Variants in KSR2 observed in about 807,000 individuals in gnomAD.
KSR2 encodes the protein kinase suppressor of ras 2.
KSR2 carries 25 observed loss-of-function variants against 107.8 expected under a neutral mutation model. That is an observed-to-expected ratio of 0.23 (90% CI 0.17 to 0.32). KSR2 has a LOEUF of 0.32. Among genes scored for constraint, KSR2 ranks in the 10% least tolerant of loss-of-function variants. The pLI is 1.00. For synonymous variants in KSR2, 480 were observed against 507.0 expected, an observed-to-expected ratio of 0.95 and a Z score of 0.71; for missense variants, 887 against 1,268.9, an observed-to-expected ratio of 0.70 and a Z score of 4.57.
At chr12:117,501,711 G>A (rs1873386816) in intron 14 of KSR2, among the ~76,000 whole-genome samples, 1 of 152,226 alleles carries the variant, frequency 6.6e-6, no homozygotes, top group African/African-American at 2.4e-5. Flanking sequence ...AGCCAAATAA[G>A]GGAGCTTATC....
intron 4 of KSR2, among the ~76,000 whole-genome samples, chr12:117,732,294 C>CT (rs112890015): frequency 0.02 from 2,887 of 145,512 alleles, 38 homozygotes; most frequent in Non-Finnish European, 0.03. Context: ...GAATTTTTTT[C>CT]TTTTTTTTTT....
chr12:117,734,491 C>T (rs905409666), intron 4 of KSR2, among the ~76,000 whole-genome samples: 2 of 152,080 alleles, frequency 1.3e-5, no homozygotes, highest in South Asian at 2.1e-4. Context: ...AGCTGGGGCC[C>T]GGGGTCCTCC....
chr12:117,660,287 T>C (rs1361321942), intron 5 of KSR2, among the ~76,000 whole-genome samples: 1 of 152,210 alleles, frequency 6.6e-6, no homozygotes, highest in Non-Finnish European at 1.5e-5. Context: ...ATTCTCTCAC[T>C]GTTCTAGAGG....
intron 3 of KSR2, among the ~76,000 whole-genome samples, chr12:117,800,770 GC>G (rs1890805957): frequency 6.6e-6 from 1 of 151,906 alleles, no homozygotes; most frequent in African/African-American, 2.4e-5. Flanking sequence ...CCCTCAACAG[GC>G]CCCGGTGTGT....
chr12:117,849,244 T>C (rs1892830735), intron 3 of KSR2, among the ~76,000 whole-genome samples: 1 of 152,188 alleles, frequency 6.6e-6, no homozygotes, highest in Non-Finnish European at 1.5e-5. Flanking sequence ...ATAGCACTTA[T>C]TCTCACACAC....
chr12:117,718,632 T>C (rs913741266), intron 4 of KSR2, among the ~76,000 whole-genome samples: 2 of 152,182 alleles, frequency 1.3e-5, no homozygotes, highest in Non-Finnish European at 2.9e-5. Flanking sequence ...TTAAATCATA[T>C]GCATTGGAAG....
intron 1 of KSR2, among the ~76,000 whole-genome samples, chr12:117,920,799 G>A (rs953341827): frequency 6.6e-6 from 1 of 152,104 alleles, no homozygotes; most frequent in African/African-American, 2.4e-5. Context: ...GTGGAGGGGA[G>A]GAAGGATTCA....
intron 4 of KSR2, among the ~76,000 whole-genome samples, chr12:117,671,343 G>C (rs1353004562): frequency 1.3e-5 from 2 of 152,192 alleles, no homozygotes; most frequent in Admixed American, 6.5e-5. Flanking sequence ...TAGATAGATA[G>C]ATAGATAGAT....
chr12:117,522,629 A>G (rs536634226), intron 14 of KSR2, among the ~76,000 whole-genome samples: 8 of 152,306 alleles, frequency 5.3e-5, no homozygotes, highest in African/African-American at 1.9e-4. Flanking sequence ...TCAGAAGTAG[A>G]GGCTGTGTCT....
At chr12:117,563,484 G>A (rs1275549193) in intron 7 of KSR2, among the ~76,000 whole-genome samples, 2 of 152,140 alleles carry the variant, frequency 1.3e-5, no homozygotes, top group South Asian at 2.1e-4. Flanking sequence ...CATCTGTAAG[G>A]TGGGGACAAT....
Position 117,555,186 on chromosome 12 carries a change from T to C in KSR2, c.1501A>G (p.Thr501Ala), listed in dbSNP as rs544499828. Residue 501 changes from threonine (T) to alanine (A), a missense_variant, in exon 9 of 20, where the codon ACC becomes GCC. By Grantham distance (58) the Thr-to-Ala change is moderately conservative. Coordinates refer to ENST00000339824, the MANE Select transcript of KSR2 (RefSeq NM_173598.6). ...DLHISQTLPK[T>A]NKINKDHIPV... ...AGCCTTACCTTGTTGATTTTGTTGG[T>C]TTTGGGGAGCGTCTGACTGATGTGC... 5.3e-5 allele frequency: 86 copies of C among 1,613,784 alleles called. No homozygotes were observed. In the South Asian group the frequency reaches 9.2e-4, roughly 17 times the overall value.
At chr12:117,878,921 T>C (rs1337386222) in intron 1 of KSR2, among the ~76,000 whole-genome samples, 5 of 152,020 alleles carry the variant, frequency 3.3e-5, no homozygotes, top group Non-Finnish European at 5.9e-5. Context: ...ACAATCAACA[T>C]AGTGAACAAA....
At chr12:117,582,581 C>G (rs1380296609) in intron 5 of KSR2, among the ~76,000 whole-genome samples, 1 of 152,226 alleles carries the variant, frequency 6.6e-6, no homozygotes, top group Non-Finnish European at 1.5e-5. Context: ...ATGAAGCCAG[C>G]TGTGGAATGA....
At chr12:117,890,153 T>C (rs1308571314) in intron 1 of KSR2, among the ~76,000 whole-genome samples, 3 of 152,230 alleles carry the variant, frequency 2.0e-5, no homozygotes, top group African/African-American at 7.2e-5. Context: ...AACAGCACTG[T>C]ATTGGATCAT....
intron 1 of KSR2, among the ~76,000 whole-genome samples, chr12:117,905,104 C>T (rs1323373868): frequency 6.6e-6 from 1 of 152,146 alleles, no homozygotes; most frequent in African/African-American, 2.4e-5. Flanking sequence ...ATTGCTTGAA[C>T]CTGGGAGGCG....
intron 1 of KSR2, among the ~76,000 whole-genome samples, chr12:117,957,383 T>C (rs1223240619): frequency 6.6e-6 from 1 of 152,138 alleles, no homozygotes. Context: ...CGTTCTATTT[T>C]TTTACTTTCT....
At chr12:117,840,108 T>TTA (rs1892405502) in intron 3 of KSR2, among the ~76,000 whole-genome samples, 1 of 151,254 alleles carries the variant, frequency 6.6e-6, no homozygotes, top group Non-Finnish European at 1.5e-5. Context: ...TTATTTTATT[T>TTA]TTTTTTTTGA....
At chr12:117,916,585 C>T (rs1895182180) in intron 1 of KSR2, among the ~76,000 whole-genome samples, 1 of 152,180 alleles carries the variant, frequency 6.6e-6, no homozygotes. Flanking sequence ...CCAAGTTGCA[C>T]TGATTTAATA....
Position 117,464,422 on chromosome 12 carries a change from G to C in KSR2, c.*2777C>G, listed in dbSNP as rs1871051978. The C allele has an allele frequency of 6.6e-6, 1 of 152,230 alleles. No individual in the cohort carries two copies. The highest frequency in any genetic ancestry group is 2.4e-5 in the African/African-American group (1 of 41,458). The allele number at this position is 152,230 out of a possible 1,614,324, so 9.4% of individuals were successfully genotyped here. On this transcript the variant is annotated 3_prime_UTR_variant, in exon 20 of 20. Coordinates refer to ENST00000339824, the MANE Select transcript of KSR2 (RefSeq NM_173598.6). Reference sequence around the variant, plus strand: ...ACACACAAATCTTGGTCGTGTCATTGTATAGAATGAGTTGCAGGTGAGGCT... The same window carrying C: ...ACACACAAATCTTGGTCGTGTCATTCTATAGAATGAGTTGCAGGTGAGGCT...
Sources: allele counts gnomAD v4.1 joint callset (sites outside exome capture counted in the v4.1 genomes callset), GRCh38; gene constraint gnomAD v4.1.1; transcripts MANE v1.5; gene names NCBI Gene and HGNC (gene_info 2026-07-23, HGNC 2026-07-21).